The following RBM46 variants were observed in gnomAD, a reference collection of about 807,000 sequenced individuals.
RBM46 encodes the protein RNA binding motif protein 46, also known as probable RNA-binding protein 46.
In RBM46, 12 loss-of-function variants were observed where a neutral mutation model predicts 43.3. That is an observed-to-expected ratio of 0.28 (90% confidence interval 0.18 to 0.45). The LOEUF is 0.45. Ranked by LOEUF, RBM46 falls within the 20% of genes least tolerant of loss-of-function variation. RBM46 has a pLI of 1.00. For synonymous variants in RBM46, 205 were observed against 207.6 expected (o/e 0.99, Z 0.11); for missense variants, 412 against 639.1 (o/e 0.64, Z 3.83).
At chr4:154,815,898 C>A (rs1234269641) in intron 4 of RBM46, among the ~76,000 whole-genome samples, 1 of 151,910 alleles carries the variant, frequency 6.6e-6, no homozygotes, top group African/African-American at 2.4e-5. Flanking sequence ...TCATATCATA[C>A]CTAAATTTAG....
chr4:154,826,739 C>CTTTTTTTTTTTTTTTTTTTTTCTT, intron 4 of RBM46: 1 of 933,638 alleles, frequency 1.1e-6, no homozygotes, highest in East Asian at 2.9e-5. Flanking sequence ...TTCATTTTTC[C>CTTTTTTTTTTTTTTTTTTTTTCTT]TTTTTTTTTT....
intron 4 of RBM46, among the ~76,000 whole-genome samples, chr4:154,808,832 G>A (rs994807628): frequency 1.3e-5 from 2 of 152,004 alleles, no homozygotes; most frequent in Non-Finnish European, 2.9e-5. Context: ...AATCCCTTAA[G>A]GGATTCCTTG....
At chr4:154,786,256 T>A (rs2111086283) in intron 1 of RBM46, among the ~76,000 whole-genome samples, 1 of 152,114 alleles carries the variant, frequency 6.6e-6, no homozygotes, top group Middle Eastern at 3.4e-3. Context: ...CTGGCTAATT[T>A]TTTTGTATTT....
intron 1 of RBM46, chr4:154,787,150 A>G (rs1733816680): frequency 6.6e-6 from 1 of 151,972 alleles, no homozygotes; most frequent in Non-Finnish European, 1.5e-5. Flanking sequence ...AAGATCAAGT[A>G]TAGTATGTGT....
Position 154,798,286 on chromosome 4 carries a change from G to A in RBM46, c.619+8G>A, listed in dbSNP as rs1380900646. ...GGAGGAAACTAATTCCAGGTAAACT[G>A]AAAGGTTGTTTTTCAATATTAACAT... On this transcript the variant is annotated splice_region_variant and intron_variant, in intron 3 of 4. Transcript: ENST00000281722. The A allele has an allele frequency of 1.3e-6, 2 of 1,535,130 alleles. No individual in the cohort carries two copies. Among genetic ancestry groups the A allele is most frequent in the African/African-American group, 1.4e-5 (1 of 71,814 alleles).
chr4:154,786,763 C>G (rs896949947), intron 1 of RBM46, among the ~76,000 whole-genome samples: 1 of 151,982 alleles, frequency 6.6e-6, no homozygotes, highest in African/African-American at 2.4e-5. Context: ...CCCACCTCTA[C>G]TAAAAATACA....
At chr4:154,820,671 T>C (rs1322875992) in intron 4 of RBM46, among the ~76,000 whole-genome samples, 1 of 151,888 alleles carries the variant, frequency 6.6e-6, no homozygotes, top group Non-Finnish European at 1.5e-5. Flanking sequence ...TGGTAAACAG[T>C]ATTATAAATT....
chr4:154,826,612 A>G (rs1014273583), intron 4 of RBM46, among the ~76,000 whole-genome samples: 13 of 152,162 alleles, frequency 8.5e-5, no homozygotes, highest in African/African-American at 2.7e-4. Flanking sequence ...AAATGTATTT[A>G]TGTCTTCCTG....
intron 1 of RBM46, among the ~76,000 whole-genome samples, chr4:154,792,419 C>T (rs889745068): frequency 2.0e-5 from 3 of 152,204 alleles, no homozygotes; most frequent in African/African-American, 4.8e-5. Context: ...TTCAGGTCTT[C>T]TCCCACACAG....
intron 4 of RBM46, among the ~76,000 whole-genome samples, chr4:154,822,995 A>G (rs1249846617): frequency 6.6e-6 from 1 of 151,860 alleles, no homozygotes; most frequent in African/African-American, 2.4e-5. Flanking sequence ...GCAGTATTAT[A>G]AATAATAGCC....
At chr4:154,787,772 A>G (rs1263358053) in intron 1 of RBM46, among the ~76,000 whole-genome samples, 4 of 152,212 alleles carry the variant, frequency 2.6e-5, no homozygotes, top group Non-Finnish European at 4.4e-5. Context: ...GTCTTCCACA[A>G]TGGTTGAACT....
At chr4:154,800,437 T>G (rs1734578313) in intron 4 of RBM46, among the ~76,000 whole-genome samples, 1 of 152,226 alleles carries the variant, frequency 6.6e-6, no homozygotes. Flanking sequence ...CTTTTTAATT[T>G]CATGTTTTTC....
At chr4:154,784,993 CTT>C (rs1256383364) in intron 1 of RBM46, among the ~76,000 whole-genome samples, 1 of 152,090 alleles carries the variant, frequency 6.6e-6, no homozygotes, top group African/African-American at 2.4e-5. Context: ...TAGAAATAAA[CTT>C]TTGTTAAATT....
At chr4:154,814,623 GTAGA>G (rs1234781105) in intron 4 of RBM46, among the ~76,000 whole-genome samples, 7 of 152,030 alleles carry the variant, frequency 4.6e-5, no homozygotes, top group Non-Finnish European at 1.0e-4. Flanking sequence ...ACTCCAGGTG[GTAGA>G]TAGTGAAGGC....
rs866861555 is a variant in RBM46 at position 154,825,279 on chromosome 4, T to G, written c.1403-2589T>G. Among the ~76,000 whole-genome samples the G allele has an allele frequency of 2.0e-4, 30 of 152,266 alleles. No individual in the cohort carries two copies. In the South Asian group the frequency reaches 5.8e-3, roughly 29 times the overall value. On this transcript the variant is annotated intron_variant, in intron 4 of 4. Coordinates refer to ENST00000281722, the MANE Select transcript of RBM46 (RefSeq NM_144979.5). The stretch of plus-strand genomic sequence containing the variant: ...TCTGAAAATTAGAATTTCTACTTTT[T>G]ATTTCCTATGATACGAAAATTATAT...
chr4:154,822,268 T>G (rs2111213397), intron 4 of RBM46, among the ~76,000 whole-genome samples: 1 of 151,860 alleles, frequency 6.6e-6, no homozygotes, highest in South Asian at 2.1e-4. Flanking sequence ...CCTTCCATTC[T>G]CTTTCTCAGG....
intron 4 of RBM46, among the ~76,000 whole-genome samples, chr4:154,810,429 C>G (rs1312983040): frequency 6.6e-6 from 1 of 151,860 alleles, no homozygotes; most frequent in Non-Finnish European, 1.5e-5. Flanking sequence ...GGACAGTGAA[C>G]AACTGAAATA....
At chr4:154,820,377 C>A in intron 4 of RBM46, 1 of 1,524,246 alleles carries the variant, frequency 6.6e-7, no homozygotes, top group Non-Finnish European at 8.8e-7. Flanking sequence ...GGAACACAAT[C>A]TCTTCAGCCT....
chr4:154,795,102 G>GTAA (rs975150855), intron 1 of RBM46, among the ~76,000 whole-genome samples: 45 of 152,202 alleles, frequency 3.0e-4, no homozygotes, highest in African/African-American at 9.6e-4. Flanking sequence ...GTTTTATTAG[G>GTAA]TAATAATAAT....
Sources: allele counts gnomAD v4.1 joint callset (sites outside exome capture counted in the v4.1 genomes callset), GRCh38; gene constraint gnomAD v4.1.1; transcripts MANE v1.5; gene names NCBI Gene and HGNC (gene_info 2026-07-23, HGNC 2026-07-21).